The following RAPGEF1 variants were observed in gnomAD, a reference collection of about 807,000 sequenced individuals.
RAPGEF1 encodes Rap guanine nucleotide exchange factor 1, also known as CRK SH3-binding GNRP.
Under a neutral mutation model 143.3 loss-of-function variants are expected in RAPGEF1, and 33 were observed. That is an observed-to-expected ratio of 0.23 (90% CI 0.17 to 0.31). The LOEUF (loss-of-function observed/expected upper bound fraction) is 0.31. RAPGEF1 is among the 10% of genes least tolerant of loss of function. The probability of loss-of-function intolerance (pLI) is 1.00; values close to 1 mark genes in which losing one functional copy is unlikely to be tolerated. For missense variants in RAPGEF1, 1,199 were observed against 1,645.4 expected (o/e 0.73, Z 4.69); for synonymous variants, 629 against 676.5 (o/e 0.93, Z 1.09).
chr9:131,711,483 G>T (rs1835503048), intron 1 of RAPGEF1, among the ~76,000 whole-genome samples: 1 of 151,478 alleles, frequency 6.6e-6, no homozygotes, highest in Non-Finnish European at 1.5e-5. Context: ...TCAGCCTCCT[G>T]AATAGCTGGA....
In RAPGEF1 at chr9:131,619,849, G is replaced by C. The variant is rs541172727; in HGVS notation, c.1906-643C>G. 3.3e-5 allele frequency among the ~76,000 whole-genome samples: 5 copies of C among 152,292 alleles called. No individual in the cohort carries two copies. The South Asian group carries it at 8.3e-4, about 25-fold the overall frequency. ...GATAACGCTTCCTGCATCTGCATTT[G>C]AGAGAGGGTGTGACCAGCAGCTGGC... On this transcript the variant is annotated intron_variant, in intron 11 of 26. Coordinates refer to ENST00000683357, the MANE Select transcript of RAPGEF1 (RefSeq NM_001377935.1).
chr9:131,598,960 G>C (rs1327592085), intron 15 of RAPGEF1, among the ~76,000 whole-genome samples: 1 of 151,866 alleles, frequency 6.6e-6, no homozygotes, highest in Non-Finnish European at 1.5e-5. Context: ...GAGTAGCTGG[G>C]ATTACAGGCA....
chr9:131,606,516 C>T (rs944602711), intron 12 of RAPGEF1, among the ~76,000 whole-genome samples: 8 of 152,192 alleles, frequency 5.3e-5, no homozygotes, highest in African/African-American at 1.2e-4. Context: ...TGCAAATGTG[C>T]GTGCCACTCG....
chr9:131,699,498 C>T (rs765893550), intron 1 of RAPGEF1, among the ~76,000 whole-genome samples: 1 of 152,198 alleles, frequency 6.6e-6, no homozygotes, highest in Non-Finnish European at 1.5e-5. Context: ...CCCGCCTCGG[C>T]CTCCCAAAGT....
At chr9:131,686,017 G>A (rs570236074) in intron 1 of RAPGEF1, among the ~76,000 whole-genome samples, 1 of 152,276 alleles carries the variant, frequency 6.6e-6, no homozygotes, top group Admixed American at 6.5e-5. Flanking sequence ...GCGTTCTGGG[G>A]TGTGAATATC....
chr9:131,697,925 T>A (rs1834314723), intron 1 of RAPGEF1, among the ~76,000 whole-genome samples: 1 of 152,006 alleles, frequency 6.6e-6, no homozygotes, highest in Admixed American at 6.5e-5. Flanking sequence ...GGGGCCAGGA[T>A]AAAGGCAGAC....
chr9:131,734,609 CCTAA>C (rs1384268074), intron 1 of RAPGEF1, among the ~76,000 whole-genome samples: 1 of 152,080 alleles, frequency 6.6e-6, no homozygotes, highest in East Asian at 1.9e-4. Context: ...GACAAAAATT[CCTAA>C]CTATGGAGGA....
chr9:131,650,966 T>C lies in RAPGEF1; in HGVS notation c.62-17A>G, dbSNP rs771075372. ...GCTGAGAGTCTGAAAACAAAGAGGGTACTGACTGTTAGATGGGAGTGGGAA... is the reference window on the plus strand; with the variant it reads ...GCTGAGAGTCTGAAAACAAAGAGGGCACTGACTGTTAGATGGGAGTGGGAA... On this transcript the variant is annotated splice_polypyrimidine_tract_variant and intron_variant, in intron 1 of 26. Coordinates refer to ENST00000683357, the MANE Select transcript of RAPGEF1 (RefSeq NM_001377935.1). The surrounding 1 kb of genome is among the most constrained non-coding windows in gnomAD (Gnocchi z 4.7). The C allele has an allele frequency of 3.1e-6, 5 of 1,612,390 alleles. No homozygotes were observed. The highest frequency in any genetic ancestry group is 3.4e-6 in the Non-Finnish European group (4 of 1,178,990).
chr9:131,602,129 G>A lies in RAPGEF1; in HGVS notation c.2433C>T (p.Asp811=), dbSNP rs375956468. The change falls in exon 15 of 27, where the codon GAC becomes GAT. Residue 811 remains aspartate (D), a synonymous_variant. Coordinates refer to ENST00000683357, the MANE Select transcript of RAPGEF1 (RefSeq NM_001377935.1). ...CCGCTGAGGGATCTCTGGGATGTCC[G>A]TCTTTCCCAGCCGGTGGCTCCTGGA... ...PSRGEPPAGK[D]GHPRDPSAVS... 1.1e-5 allele frequency: 18 copies of A among 1,595,448 alleles called. No individual in the cohort carries two copies. Among genetic ancestry groups the A allele is most frequent in the South Asian group, 5.7e-5 (5 of 88,230 alleles).
At chr9:131,730,814 T>C (rs1353999178) in intron 1 of RAPGEF1, among the ~76,000 whole-genome samples, 5 of 151,908 alleles carry the variant, frequency 3.3e-5, no homozygotes, top group Admixed American at 3.3e-4. Flanking sequence ...TTAAGCAATT[T>C]GCCCACGGTC....
intron 22 of RAPGEF1, among the ~76,000 whole-genome samples, chr9:131,585,156 G>A (rs985190431): frequency 2.0e-5 from 3 of 152,142 alleles, no homozygotes; most frequent in African/African-American, 7.2e-5. Flanking sequence ...CCACTACCAG[G>A]GTCACTTGGA....
chr9:131,608,777 C>T (rs1957527780), intron 12 of RAPGEF1, among the ~76,000 whole-genome samples: 1 of 152,202 alleles, frequency 6.6e-6, no homozygotes, highest in Non-Finnish European at 1.5e-5. Context: ...ATGCCAGGAG[C>T]TGCATCAGGG....
chr9:131,636,347 G>C (rs1966375040), intron 5 of RAPGEF1, among the ~76,000 whole-genome samples: 1 of 152,168 alleles, frequency 6.6e-6, no homozygotes, highest in African/African-American at 2.4e-5. Context: ...TCTTTGTTCT[G>C]GCTAAAATAT....
chr9:131,678,716 C>T (rs976891857), intron 1 of RAPGEF1, among the ~76,000 whole-genome samples: 1 of 152,238 alleles, frequency 6.6e-6, no homozygotes, highest in Non-Finnish European at 1.5e-5. Context: ...CCCACAGGGA[C>T]TGTCAGCACT....
intron 1 of RAPGEF1, among the ~76,000 whole-genome samples, chr9:131,676,168 T>C (rs1173705007): frequency 6.6e-6 from 1 of 152,240 alleles, no homozygotes; most frequent in South Asian, 2.1e-4. Flanking sequence ...AAGAAAACCG[T>C]GGACAGAAGG....
At chr9:131,684,549 G>A (rs529794487) in intron 1 of RAPGEF1, among the ~76,000 whole-genome samples, 9 of 152,276 alleles carry the variant, frequency 5.9e-5, no homozygotes, top group Admixed American at 3.3e-4. Context: ...AGAGATTATG[G>A]AACACCGCAG....
chr9:131,589,976 T>C lies in RAPGEF1; in HGVS notation c.2777A>G (p.Tyr926Cys). 6.2e-7 allele frequency: 1 copy of C among 1,613,188 alleles called. No individual in the cohort carries two copies. Among genetic ancestry groups the C allele is most frequent in the Non-Finnish European group, 8.5e-7 (1 of 1,179,352 alleles). The change falls in exon 19 of 27, where the codon TAT becomes TGT. Residue 926 changes from tyrosine (Y) to cysteine (C), a missense_variant and splice_region_variant. Transcript: ENST00000683357. ...EELIKKLQYR[Y>C]EKFSPFADTF... The stretch of plus-strand genomic sequence containing the variant: ...GTCGGCAAAGGGAGAGAATTTCTCA[T>C]ATGTGGAGCACGGGTTAAAGAAATA...
rs1970754778 is a variant in RAPGEF1, at chr9:131,650,301, G to A, written c.202-59C>T. Reference sequence around the variant, plus strand: ...TTGAAATGGCTGTTTGAGGCCGAAGGGAGGGGTTGATGAAAGTCAATAGCT... The same window carrying A: ...TTGAAATGGCTGTTTGAGGCCGAAGAGAGGGGTTGATGAAAGTCAATAGCT... On this transcript the variant is annotated intron_variant, in intron 2 of 26. Transcript: ENST00000683357. The surrounding 1 kb of genome is among the most constrained non-coding windows in gnomAD (Gnocchi z 4.7). The A allele has an allele frequency of 1.5e-6, 2 of 1,347,824 alleles. No individual in the cohort carries two copies. The highest frequency in any genetic ancestry group is 3.8e-5 in the Admixed American group (2 of 52,866). The allele number at this position is 1,347,824 out of a possible 1,614,324, so 83.5% of individuals were successfully genotyped here.
At chr9:131,622,260 A>G (rs35367287) in intron 10 of RAPGEF1, among the ~76,000 whole-genome samples, 2 of 152,102 alleles carry the variant, frequency 1.3e-5, no homozygotes, top group African/African-American at 4.8e-5. Context: ...GCGAGGGCAC[A>G]TGGCGGGTGC....
Sources: gnomAD v4.1 joint callset for allele counts (sites outside exome capture counted in the v4.1 genomes callset) on GRCh38, gnomAD v4.1.1 for gene constraint, Gnocchi (gnomAD v3.1) non-coding constraint, MANE v1.5 for transcripts, NCBI Gene and HGNC (gene_info 2026-07-23, HGNC 2026-07-21) for gene names.